Variants in ELMO1 observed in about 807,000 individuals in gnomAD.
ELMO1 encodes engulfment and cell motility 1, also known as engulfment and cell motility protein 1.
In ELMO1, 26 loss-of-function variants were observed where a neutral mutation model predicts 98.9. That is an observed-to-expected ratio of 0.26 (90% CI 0.19 to 0.36). The LOEUF (loss-of-function observed/expected upper bound fraction) is 0.36. ELMO1 is among the 10% of genes least tolerant of loss of function. The pLI is 1.00. For synonymous variants in ELMO1, 346 were observed against 346.0 expected (o/e 1.00, Z 0.00); for missense variants, 627 against 935.2 (o/e 0.67, Z 4.30).
intron 16 of ELMO1, among the ~76,000 whole-genome samples, chr7:36,941,289 C>T (rs963741212): frequency 9.9e-5 from 15 of 152,178 alleles, no homozygotes; most frequent in African/African-American, 3.4e-4. Flanking sequence ...GCATTATCTA[C>T]GACAATGTGC....
chr7:36,929,944 G>T (rs1785899949), intron 16 of ELMO1, among the ~76,000 whole-genome samples: 1 of 152,192 alleles, frequency 6.6e-6, no homozygotes. Context: ...GCTGCTCCAT[G>T]AGATCCAAGT....
intron 14 of ELMO1, among the ~76,000 whole-genome samples, chr7:37,125,433 T>C (rs1456412898): frequency 1.3e-5 from 2 of 152,000 alleles, no homozygotes; most frequent in African/African-American, 2.4e-5. Context: ...CTCAAACAAA[T>C]TTACAAGAAA....
chr7:37,407,672 A>T (rs538626981), intron 1 of ELMO1, among the ~76,000 whole-genome samples: 61 of 152,314 alleles, frequency 4.0e-4, no homozygotes, highest in African/African-American at 1.5e-3. Flanking sequence ...ATGCAGTGAG[A>T]GAGGGATGCA....
chr7:37,421,884 T>A (rs1458293525), intron 1 of ELMO1, among the ~76,000 whole-genome samples: 1 of 152,212 alleles, frequency 6.6e-6, no homozygotes, highest in East Asian at 1.9e-4. Context: ...GCAGTGGGAC[T>A]GAACCACAAG....
chr7:37,429,658 T>C (rs1268968032), intron 1 of ELMO1: 2 of 152,350 alleles, frequency 1.3e-5, no homozygotes, highest in Middle Eastern at 6.3e-3. Context: ...GGAGAGTGAA[T>C]GAACTCATGC....
At chr7:37,340,667 A>AT (rs1486869737) in intron 2 of ELMO1, among the ~76,000 whole-genome samples, 2 of 152,230 alleles carry the variant, frequency 1.3e-5, no homozygotes, top group African/African-American at 4.8e-5. Context: ...GAAATAGGGT[A>AT]TAAATGTAAG....
intron 15 of ELMO1, among the ~76,000 whole-genome samples, chr7:37,051,230 T>C (rs771027883): frequency 6.6e-5 from 10 of 152,310 alleles, no homozygotes; most frequent in Non-Finnish European, 1.5e-4. Flanking sequence ...CTCTTATGCA[T>C]GTTGGGTGAG....
intron 16 of ELMO1, among the ~76,000 whole-genome samples, chr7:36,958,396 T>C (rs979598424): frequency 3.9e-5 from 6 of 152,222 alleles, no homozygotes; most frequent in Non-Finnish European, 7.3e-5. Flanking sequence ...TGTATTTTTC[T>C]AGCTGATTCA....
At chr7:36,921,709 A>G (rs1482308760) in intron 16 of ELMO1, among the ~76,000 whole-genome samples, 1 of 152,134 alleles carries the variant, frequency 6.6e-6, no homozygotes, top group Non-Finnish European at 1.5e-5. Flanking sequence ...AAGCTCCCAA[A>G]ATGCTCTTCA....
At chr7:36,974,133 C>T (rs531247223) in intron 16 of ELMO1, among the ~76,000 whole-genome samples, 117 of 152,338 alleles carry the variant, frequency 7.7e-4, no homozygotes, top group African/African-American at 2.5e-3. Context: ...GGGCGCACAG[C>T]GCAGGACTGG....
At chr7:37,202,977 C>A (rs1014587762) in intron 13 of ELMO1, among the ~76,000 whole-genome samples, 1 of 152,078 alleles carries the variant, frequency 6.6e-6, no homozygotes, top group Non-Finnish European at 1.5e-5. Context: ...CCCTGCTGAT[C>A]GGAATAGTTG....
chr7:37,125,691 C>T lies in ELMO1; in HGVS notation c.1191+7439G>A, dbSNP rs190963628. Among the ~76,000 whole-genome samples the T allele has an allele frequency of 5.5e-3, 841 of 152,250 alleles. 6 individuals are homozygous for T. Among genetic ancestry groups the T allele is most frequent in the Non-Finnish European group, 8.6e-3 (583 of 68,018 alleles). The stretch of plus-strand genomic sequence containing the variant: ...TGGAGAAACAGGAACACTTTTACAC[C>T]GTTGGTGGGACTATAAACTGGTTCA... On this transcript the variant is annotated intron_variant, in intron 14 of 21. Coordinates refer to ENST00000310758, the MANE Select transcript of ELMO1 (RefSeq NM_014800.11).
chr7:37,164,191 T>C (rs1425699679), intron 13 of ELMO1, among the ~76,000 whole-genome samples: 1 of 152,212 alleles, frequency 6.6e-6, no homozygotes, highest in African/African-American at 2.4e-5. Context: ...GGTTGTTTGT[T>C]ATTTCTTGTA....
chr7:37,020,659 G>GA (rs1256860665), intron 15 of ELMO1, among the ~76,000 whole-genome samples: 2 of 151,724 alleles, frequency 1.3e-5, no homozygotes, highest in African/African-American at 2.4e-5. Flanking sequence ...TGACCTTGGT[G>GA]ATGCTAAGAG....
intron 16 of ELMO1, among the ~76,000 whole-genome samples, chr7:36,949,086 C>T (rs1447892684): frequency 6.6e-6 from 1 of 152,156 alleles, no homozygotes; most frequent in Non-Finnish European, 1.5e-5. Context: ...GAACTCCTGA[C>T]CTCAGGTGAT....
At chr7:37,238,292 TA>T (rs1794584480) in intron 7 of ELMO1, among the ~76,000 whole-genome samples, 4 of 152,206 alleles carry the variant, frequency 2.6e-5, no homozygotes, top group African/African-American at 9.6e-5. Context: ...TCCCTAAAAA[TA>T]AAGATTTATT....
intron 1 of ELMO1, among the ~76,000 whole-genome samples, chr7:37,441,773 T>C (rs1299559528): frequency 2.0e-5 from 3 of 152,016 alleles, no homozygotes; most frequent in Non-Finnish European, 2.9e-5. Flanking sequence ...GGAAGAAACA[T>C]GCATGGAAAG....
At chr7:37,395,024 G>C (rs1328738615) in intron 1 of ELMO1, among the ~76,000 whole-genome samples, 1 of 152,138 alleles carries the variant, frequency 6.6e-6, no homozygotes, top group Non-Finnish European at 1.5e-5. Context: ...ATAGCTGGGA[G>C]TAGTTTTGCA....
intron 13 of ELMO1, among the ~76,000 whole-genome samples, chr7:37,171,993 A>G (rs1790198949): frequency 1.3e-5 from 2 of 152,062 alleles, no homozygotes; most frequent in Admixed American, 1.3e-4. Context: ...TAGTAAAAAT[A>G]TTTTAAAAAT....
Sources: allele counts gnomAD v4.1 joint callset (sites outside exome capture counted in the v4.1 genomes callset), GRCh38; gene constraint gnomAD v4.1.1; transcripts MANE v1.5; gene names NCBI Gene and HGNC (gene_info 2026-07-23, HGNC 2026-07-21).